RRP1: variants seen among roughly 807,000 people sequenced by gnomAD.
RRP1 encodes the protein ribosomal RNA processing 1.
A neutral mutation model predicts 54.6 loss-of-function variants in RRP1; 37 were observed. The observed-to-expected ratio is 0.68, with a 90% confidence interval of 0.52 to 0.89. The LOEUF (loss-of-function observed/expected upper bound fraction) is 0.89. Ranked by LOEUF, RRP1 falls within the 40% of genes least tolerant of loss-of-function variation. The pLI is 0.00. For synonymous variants in RRP1, 262 were observed against 244.3 expected, an observed-to-expected ratio of 1.07 and a Z score of -0.67; for missense variants, 639 against 612.5, an observed-to-expected ratio of 1.04 and a Z score of -0.46.
At chr21:43,794,902 G>A (rs1328245647) in intron 4 of RRP1, among the ~76,000 whole-genome samples, 4 of 152,026 alleles carry the variant, frequency 2.6e-5, no homozygotes, top group African/African-American at 9.7e-5. Flanking sequence ...GACTGGAGTC[G>A]TAGGACTGTC....
chr21:43,802,342 A>G lies in RRP1; in HGVS notation c.1078A>G (p.Lys360Glu). ...CCTGCTTGAAGGGAGGCGGCAGAAG[A>G]AGACGAAGAAGCAGAAGCGTCTGCT... ...RRLLEGRRQKKTKKQKRLLRL... is the reference protein window; with the variant it reads ...RRLLEGRRQKETKKQKRLLRL... Residue 360 changes from lysine to glutamate, a missense_variant, in exon 12 of 13, where the codon AAG (lysine) becomes GAG (glutamate). Lys to Glu is a moderately conservative substitution (Grantham distance 56). Coordinates refer to ENST00000497547, the MANE Select transcript of RRP1 (RefSeq NM_003683.6). 1 of 1,613,934 alleles carries G rather than the reference A, an allele frequency of 6.2e-7. No homozygotes were observed. The highest frequency in any genetic ancestry group is 8.5e-7 in the Non-Finnish European group (1 of 1,179,990).
At chr21:43,798,477 C>T (rs908053930) in intron 8 of RRP1, among the ~76,000 whole-genome samples, 4 of 152,178 alleles carry the variant, frequency 2.6e-5, no homozygotes, top group Admixed American at 6.5e-5. Context: ...CCTCTCCCAG[C>T]CCCCAACGCA....
In RRP1 at chr21:43,803,504, T is replaced by G. The variant is rs1569019148; in HGVS notation, c.1124-8T>G. The G allele has an allele frequency of 1.3e-6, 2 of 1,542,160 alleles. No individual in the cohort carries two copies. Among genetic ancestry groups the G allele is most frequent in the East Asian group, 2.4e-5 (1 of 41,508 alleles). On this transcript the variant is annotated splice_polypyrimidine_tract_variant and splice_region_variant and intron_variant, in intron 12 of 12. Transcript: ENST00000497547. Reference sequence around the variant, plus strand: ...TCTCTGGCTCATGGGGTCTTGCTGTTTTGTCAGGGAAAGGTGAGAAGGAGC... The same window carrying G: ...TCTCTGGCTCATGGGGTCTTGCTGTGTTGTCAGGGAAAGGTGAGAAGGAGC...
chr21:43,802,042 A>C (rs1448607009), intron 11 of RRP1, among the ~76,000 whole-genome samples: 1 of 152,108 alleles, frequency 6.6e-6, no homozygotes, highest in Non-Finnish European at 1.5e-5. Flanking sequence ...TCTATGCTGT[A>C]CCTGTGTCCT....
At chr21:43,794,225 A>G (rs2084991652) in intron 4 of RRP1, among the ~76,000 whole-genome samples, 1 of 152,152 alleles carries the variant, frequency 6.6e-6, no homozygotes, top group African/African-American at 2.4e-5. Flanking sequence ...GGAGCTCAAG[A>G]AGGAAGGAGG....
chr21:43,790,361 C>T (rs1205694850), intron 1 of RRP1: 3 of 152,912 alleles, frequency 2.0e-5, no homozygotes, highest in Admixed American at 6.5e-5. Flanking sequence ...CCCAGGAGTC[C>T]AGCCTGGGCA....
chr21:43,789,850 C>G lies in RRP1; in HGVS notation c.133+88C>G. On this transcript the variant is annotated intron_variant, in intron 1 of 12. Coordinates refer to ENST00000497547, the MANE Select transcript of RRP1 (RefSeq NM_003683.6). Reference sequence around the variant, plus strand: ...GCGGCGGCCGGAGCTGGGGGCCCTCCGAGCCCTGTGGAACCTCCACGTGGC... The same window carrying G: ...GCGGCGGCCGGAGCTGGGGGCCCTCGGAGCCCTGTGGAACCTCCACGTGGC... The G allele has an allele frequency of 5.1e-6, 7 of 1,376,528 alleles. No homozygotes were observed. In the South Asian group the frequency reaches 9.4e-5, roughly 19 times the overall value. The allele number at this position is 1,376,528 out of a possible 1,614,324, so 85.3% of individuals were successfully genotyped here.
At position 43,794,969 on chromosome 21, in the gene RRP1, C is replaced by T. The variant is rs542401774; in HGVS notation, c.361-220C>T. ...TTCCTGCCAGCTGGGGCCTTGGAGCCGGGGATAGGGCATGTTCTCAGCCCA... is the reference window on the plus strand; with the variant it reads ...TTCCTGCCAGCTGGGGCCTTGGAGCTGGGGATAGGGCATGTTCTCAGCCCA... On this transcript the variant is annotated intron_variant, in intron 4 of 12. Transcript: ENST00000497547. 1.8e-4 allele frequency among the ~76,000 whole-genome samples: 28 copies of T among 152,242 alleles called. No individual in the cohort carries two copies. In the South Asian group the frequency reaches 4.1e-3, roughly 23 times the overall value.
chr21:43,801,242 G>A (rs1053467329), intron 11 of RRP1, among the ~76,000 whole-genome samples: 4 of 152,272 alleles, frequency 2.6e-5, no homozygotes, highest in East Asian at 3.9e-4. Context: ...TCGGAAGGAC[G>A]GTTTCCTAGT....
intron 4 of RRP1, 77 bp from the exon 5 acceptor site, chr21:43,795,112 T>C: frequency 1.5e-6 from 2 of 1,331,054 alleles, no homozygotes; most frequent in South Asian, 2.4e-5. Flanking sequence ...CTGCAGCGGA[T>C]GGTGGTACAT....
Position 43,797,651 on chromosome 21 carries a change from G to C in RRP1, c.573G>C (p.Leu191=), listed in dbSNP as rs373782065. 1.1e-5 allele frequency: 17 copies of C among 1,614,064 alleles called. No homozygotes were observed. The highest frequency in any genetic ancestry group is 1.4e-5 in the Non-Finnish European group (17 of 1,180,046). The change falls in exon 7 of 13, where the codon CTG becomes CTC. Residue 191 remains leucine, a synonymous_variant. Coordinates refer to ENST00000497547, the MANE Select transcript of RRP1 (RefSeq NM_003683.6). ...CGTAGCTTACGGCAGACCAGAACCT[G>C]AAGTTCATCGACCCCTTCTGCAGAA... ...GAEELTADQN[L]KFIDPFCRIA... is the part of the protein sequence containing the mutation.
intron 9 of RRP1, 41 bp from the exon 10 acceptor site, chr21:43,800,476 G>A (rs1292928919): frequency 8.2e-6 from 13 of 1,594,612 alleles, no homozygotes; most frequent in Admixed American, 1.7e-5. Flanking sequence ...CACGCAGAGC[G>A]TGGCTGACCT....
Position 43,805,231 on chromosome 21 carries a change from A to G in RRP1, c.*1457A>G, listed in dbSNP as rs58464891. The stretch of plus-strand genomic sequence containing the variant: ...GCAGAGGTTGTGGTGAGCTAAGATC[A>G]CGCCATTGCACTCCAGCCTGGGCAA... On this transcript the variant is annotated 3_prime_UTR_variant, in exon 13 of 13. Coordinates refer to ENST00000497547, the MANE Select transcript of RRP1 (RefSeq NM_003683.6). 0.053 allele frequency: 7,958 copies of G among 150,582 alleles called. 283 individuals are homozygous for G. The highest frequency in any genetic ancestry group is 0.15 in the South Asian group (716 of 4,744). The allele number at this position is 150,582 out of a possible 1,614,324, so 9.3% of individuals were successfully genotyped here. A position where few individuals can be genotyped will look rare whatever the true frequency, so the allele number is the denominator to read the frequency against.
In RRP1 at chr21:43,803,668, A is replaced by C; in HGVS notation, c.1280A>C (p.Gln427Pro). ...LLRDQPRGRG[Q>P]RGARQRRRTP... ...CGAGATCAGCCCAGGGGCCGTGGCC[A>C]GAGAGGGGCTCGCCAGAGAAGGAGG... The change falls in exon 13 of 13, where the codon CAG (glutamine) becomes CCG (proline). Residue 427 changes from glutamine (Q) to proline (P), a missense_variant. Coordinates refer to ENST00000497547, the MANE Select transcript of RRP1 (RefSeq NM_003683.6). The C allele has an allele frequency of 1.9e-6, 3 of 1,551,946 alleles. No homozygotes were observed. Among genetic ancestry groups the C allele is most frequent in the Non-Finnish European group, 2.6e-6 (3 of 1,148,088 alleles).
intron 4 of RRP1, 34 bp downstream of exon 4, chr21:43,793,438 G>A (rs1484503996): frequency 2.5e-6 from 4 of 1,583,922 alleles, no homozygotes; most frequent in Non-Finnish European, 3.5e-6. Context: ...GCGGGCGGGG[G>A]CAGCGCGGGT....
chr21:43,797,237 G>C, intron 5 of RRP1, 185 bp from the exon 6 acceptor site: 1 of 932,154 alleles, frequency 1.1e-6, no homozygotes, highest in African/African-American at 1.7e-5. Flanking sequence ...AGACTGCCTT[G>C]CGCTGGAGGA....
chr21:43,794,685 C>T (rs1014304238), intron 4 of RRP1, among the ~76,000 whole-genome samples: 18 of 152,140 alleles, frequency 1.2e-4, no homozygotes, highest in South Asian at 1.0e-3. Context: ...TGTTGATTCA[C>T]GGGTGAGGCT....
At chr21:43,797,293 T>A in intron 5 of RRP1, 129 bp from the exon 6 acceptor site, 2 of 1,442,954 alleles carry the variant, frequency 1.4e-6, no homozygotes, top group Non-Finnish European at 1.8e-6. Context: ...AAGGCTGGCA[T>A]GTTTGCAGAC....
At chr21:43,797,039 G>A (rs755105698) in intron 5 of RRP1, among the ~76,000 whole-genome samples, 1 of 152,198 alleles carries the variant, frequency 6.6e-6, no homozygotes, top group Admixed American at 6.5e-5. Flanking sequence ...GCGGTACCCA[G>A]TGGAGGCAGT....
Sources: allele counts gnomAD v4.1 joint callset (sites outside exome capture counted in the v4.1 genomes callset), GRCh38; gene constraint gnomAD v4.1.1; transcripts MANE v1.5; gene names NCBI Gene and HGNC (gene_info 2026-07-23, HGNC 2026-07-21).